FBXW10B: variants seen among roughly 807,000 people sequenced by gnomAD.
FBXW10B encodes the protein F-box and WD repeat domain containing protein 10B.
the FBXW10B span, among the ~76,000 whole-genome samples, chr17:15,584,237 G>T: frequency 6.6e-6 from 1 of 152,092 alleles, no homozygotes; most frequent in African/African-American, 2.4e-5. Flanking sequence ...AATTAATTGT[G>T]GTGTATCCAA....
At chr17:15,606,514 G>A in the FBXW10B span, among the ~76,000 whole-genome samples, 1 of 149,652 alleles carries the variant, frequency 6.7e-6, no homozygotes, top group Non-Finnish European at 1.5e-5. Flanking sequence ...ACGACAGAAT[G>A]AGATTCACTC....
chr17:15,577,362 C>A, the FBXW10B span, among the ~76,000 whole-genome samples: 1 of 152,164 alleles, frequency 6.6e-6, no homozygotes, highest in African/African-American at 2.4e-5. Context: ...ACAAGAGGAA[C>A]GCTGCTGGGA....
chr17:15,619,616 T>C, the FBXW10B span: 1 of 1,513,246 alleles, frequency 6.6e-7, no homozygotes. Flanking sequence ...CAGTTGTGCC[T>C]TTTCTATTAC....
At chr17:15,618,156 C>T in the FBXW10B span, among the ~76,000 whole-genome samples, 2,205 of 152,154 alleles carry the variant, frequency 0.014, 46 homozygotes, top group African/African-American at 0.05. Flanking sequence ...GGTGAAACCC[C>T]GTCTCTACCA....
At chr17:15,574,763 GC>G in the FBXW10B span, among the ~76,000 whole-genome samples, 3 of 151,454 alleles carry the variant, frequency 2.0e-5, no homozygotes, top group African/African-American at 7.3e-5. Context: ...ATTACTTGGA[GC>G]CAAACCACTG....
the FBXW10B span, chr17:15,574,247 A>G: frequency 3.2e-6 from 2 of 631,514 alleles, no homozygotes; most frequent in South Asian, 1.8e-5. Flanking sequence ...GGTATCACTT[A>G]TAGTTTAAAA....
chr17:15,600,147 C>T, the FBXW10B span, among the ~76,000 whole-genome samples: 6 of 150,334 alleles, frequency 4.0e-5, no homozygotes, highest in East Asian at 2.0e-4. Flanking sequence ...ACCTGGGAGG[C>T]GGAGCTTGCA....
chr17:15,595,878 G>GCTT, the FBXW10B span, among the ~76,000 whole-genome samples: 2 of 150,858 alleles, frequency 1.3e-5, no homozygotes, highest in African/African-American at 4.9e-5. Context: ...AGGAAAAAAT[G>GCTT]CTTCGTTCAT....
chr17:15,614,610 C>T, the FBXW10B span, among the ~76,000 whole-genome samples: 3 of 151,964 alleles, frequency 2.0e-5, no homozygotes, highest in Non-Finnish European at 2.9e-5. Context: ...CTTAAAAATA[C>T]TCCAACAAGA....
chr17:15,604,452 A>C, the FBXW10B span, among the ~76,000 whole-genome samples: 29 of 152,304 alleles, frequency 1.9e-4, no homozygotes, highest in Middle Eastern at 3.4e-3. Flanking sequence ...TGGGAGGGTT[A>C]GGGAATGGTG....
the FBXW10B span, chr17:15,588,926 C>T: frequency 1.2e-6 from 2 of 1,613,776 alleles, no homozygotes; most frequent in South Asian, 1.1e-5. Flanking sequence ...GGGGTGAATC[C>T]ACTCACAGGA....
the FBXW10B span, among the ~76,000 whole-genome samples, chr17:15,617,912 T>C: frequency 2.6e-5 from 4 of 152,212 alleles, no homozygotes; most frequent in Non-Finnish European, 2.9e-5. Flanking sequence ...CCTTATTGTT[T>C]CTTCTGCTTC....
chr17:15,586,234 G>A, the FBXW10B span, among the ~76,000 whole-genome samples: 5 of 151,700 alleles, frequency 3.3e-5, no homozygotes, highest in Non-Finnish European at 2.9e-5. Context: ...GTTTGCAGCT[G>A]TGGACTTTAA....
chr17:15,607,426 C>T, the FBXW10B span: 29 of 623,164 alleles, frequency 4.7e-5, no homozygotes, highest in East Asian at 8.6e-4. Context: ...CAGGTATTGT[C>T]TACATGGGAT....
the FBXW10B span, chr17:15,572,395 A>C: frequency 1.3e-5 from 2 of 152,230 alleles, no homozygotes; most frequent in African/African-American, 4.8e-5. Flanking sequence ...GTTCTTATAA[A>C]GCCGTCAGTA....
chr17:15,614,451 G>C, the FBXW10B span, among the ~76,000 whole-genome samples: 4 of 151,856 alleles, frequency 2.6e-5, no homozygotes, highest in African/African-American at 4.8e-5. Context: ...GCCTCAGCCT[G>C]CCAAAGTGCT....
the FBXW10B span, chr17:15,615,923 G>A: frequency 2.1e-6 from 3 of 1,446,694 alleles, no homozygotes; most frequent in African/African-American, 4.3e-5. Context: ...GTACAGAATG[G>A]ACCAGAGCAG....
chr17:15,617,171 T>C, the FBXW10B span, among the ~76,000 whole-genome samples: 5 of 152,212 alleles, frequency 3.3e-5, no homozygotes, highest in African/African-American at 9.7e-5. Flanking sequence ...GTCTTCATTC[T>C]ATATTATCAT....
chr17:15,570,841 TC>T, the FBXW10B span, among the ~76,000 whole-genome samples: 3 of 152,166 alleles, frequency 2.0e-5, no homozygotes, highest in African/African-American at 7.2e-5. Context: ...AGAGGACTCT[TC>T]GATAAAACAC....
Sources: gnomAD v4.1 joint callset for allele counts (sites outside exome capture counted in the v4.1 genomes callset) on GRCh38, gnomAD v4.1.1 for gene constraint, MANE v1.5 for transcripts, NCBI Gene and HGNC (gene_info 2026-07-23, HGNC 2026-07-21) for gene names.